NOC2L: variants seen among roughly 807,000 people sequenced by gnomAD.
The protein encoded by NOC2L is NOC2 like nucleolar associated transcriptional repressor.
NOC2L carries 101 observed loss-of-function variants against 94.2 expected under a neutral mutation model. The ratio of observed to expected loss-of-function variants is 1.07; its 90% CI spans 0.91 to 1.26. The LOEUF (loss-of-function observed/expected upper bound fraction) is 1.26. Ranked by LOEUF, NOC2L falls within the 50% of genes most tolerant of loss-of-function variation. NOC2L has a pLI of 0.00. For synonymous variants in NOC2L, 531 were observed against 413.4 expected (o/e 1.28, Z -3.45); for missense variants, 1,076 against 980.1 (o/e 1.10, Z -1.31).
intron 4 of NOC2L, 106 bp from the exon 5 acceptor site, chr1:956,321 T>G (rs1642400481): frequency 7.4e-7 from 1 of 1,356,708 alleles, no homozygotes; most frequent in African/African-American, 1.4e-5. Flanking sequence ...CCCTCAGACA[T>G]AGGGCAGAGG....
chr1:945,822 G>A (rs1642091256), intron 16 of NOC2L, among the ~76,000 whole-genome samples, 169 bp from the exon 17 acceptor site: 1 of 152,214 alleles, frequency 6.6e-6, no homozygotes. Context: ...CCATGTCCAA[G>A]GTCAAAGGCA....
At chr1:958,253 T>C (rs1642471838) in intron 2 of NOC2L, 1 of 163,604 alleles carries the variant, frequency 6.1e-6, no homozygotes, top group Non-Finnish European at 1.3e-5. Context: ...ATCTTTTGAT[T>C]TCTTTCTTTT....
At chr1:949,578 A>G (rs906407044) in intron 12 of NOC2L, among the ~76,000 whole-genome samples, 2 of 152,216 alleles carry the variant, frequency 1.3e-5, no homozygotes, top group Admixed American at 6.5e-5. Flanking sequence ...AGGGGCCTAC[A>G]GGGTGCGGCT....
chr1:945,568 A>T lies in NOC2L; in HGVS notation c.2003T>A (p.Phe668Tyr), dbSNP rs779361120. Residue 668 changes from phenylalanine (F) to tyrosine (Y), a missense_variant, in exon 17 of 19, where the codon TTT (phenylalanine) becomes TAT (tyrosine). By Grantham distance (22) the Phe-to-Tyr change is conservative. Coordinates refer to ENST00000327044, the MANE Select transcript of NOC2L (RefSeq NM_015658.4). The stretch of plus-strand genomic sequence containing the variant: ...GTCCTCTTCAGAGCTGTTCAGGTCA[A>T]AGAGGTCTTTAAATTGCTTCCTGTC... ...DEDRKQFKDL[F>Y]DLNSSEEDDT... 1.2e-6 allele frequency: 2 copies of T among 1,614,090 alleles called. No individual in the cohort carries two copies. Among genetic ancestry groups the T allele is most frequent in the Non-Finnish European group, 1.7e-6 (2 of 1,179,950 alleles).
At chr1:958,683 G>A (rs1569959814) in intron 2 of NOC2L, 2 of 686,216 alleles carry the variant, frequency 2.9e-6, no homozygotes, top group Non-Finnish European at 5.3e-6. Flanking sequence ...GAACGTGAGA[G>A]TTCTCCTAGA....
rs758798279 is a variant in NOC2L at position 944,350 on chromosome 1, C to G, written c.*344G>C. The G allele has an allele frequency of 1.9e-4, 261 of 1,366,830 alleles. No individual in the cohort carries two copies. Among genetic ancestry groups the G allele is most frequent in the Non-Finnish European group, 2.3e-4 (242 of 1,066,914 alleles). The allele number at this position is 1,366,830 out of a possible 1,614,324, so 84.7% of individuals were successfully genotyped here. On this transcript the variant is annotated 3_prime_UTR_variant, in exon 19 of 19. Coordinates refer to ENST00000327044, the MANE Select transcript of NOC2L (RefSeq NM_015658.4). ...GAAGGCAGAGCCTGGTGCAGATGGA[C>G]GAGGTCTGCAGACGGAGGGCAGAGG...
Position 957,140 on chromosome 1 carries a change from C to T in NOC2L, c.313G>A (p.Glu105Lys), listed in dbSNP as rs369245053. The T allele has an allele frequency of 1.4e-4, 225 of 1,613,974 alleles. No homozygotes were observed. The highest frequency in any genetic ancestry group is 1.8e-4 in the Non-Finnish European group (212 of 1,180,044). Reference protein sequence around the residue: ...LNFSDSDSSEEEEGPFHSLPD... With the variant: ...LNFSDSDSSEKEEGPFHSLPD... ...AGGGAGTGGAACGGCCCCTCTTCCT[C>T]CTCAGAGCTGTCCGAGTCGCTGAAG... Residue 105 changes from glutamate (E) to lysine (K), a missense_variant, in exon 3 of 19, where the codon GAG becomes AAG. By Grantham distance (56) the Glu-to-Lys change is moderately conservative. This residue lies in a region of NOC2L where 457 missense variants were observed against 386.0 expected (regional missense o/e 1.18). Coordinates refer to ENST00000327044, the MANE Select transcript of NOC2L (RefSeq NM_015658.4).
chr1:958,989 G>C lies in NOC2L; in HGVS notation c.119C>G (p.Thr40Arg), dbSNP rs768646282. Residue 40 changes from threonine (T) to arginine (R), a missense_variant, in exon 2 of 19, where the codon ACA (threonine) becomes AGA (arginine). Physicochemically the swap from Thr to Arg is moderately conservative, Grantham distance 71. This residue lies in a region of NOC2L where 457 missense variants were observed against 386.0 expected (regional missense o/e 1.18). Transcript: ENST00000327044. ...CCGGGCAGCCTCGCGTGCTTCCCGT[G>C]TCTCCGCTTGTGGAGAATTTTCGGA... ...SESENSPQAE[T>R]REAREAARSP... is the part of the protein sequence containing the mutation. The C allele has an allele frequency of 9.9e-6, 16 of 1,612,764 alleles. No individual in the cohort carries two copies. In the East Asian group the frequency reaches 3.1e-4, roughly 31 times the overall value.
intron 9 of NOC2L, 48 bp from the exon 10 acceptor site, chr1:952,648 C>T (rs1190307292): frequency 6.3e-7 from 1 of 1,581,596 alleles, no homozygotes. Flanking sequence ...GGCCATGCAC[C>T]TCCACCGCCC....
Position 952,060 on chromosome 1 carries a change from G to C in NOC2L, c.1271C>G (p.Pro424Arg). 1 of 1,613,696 alleles carries C rather than the reference G, an allele frequency of 6.2e-7. No homozygotes were observed. The highest frequency in any genetic ancestry group is 1.1e-5 in the South Asian group (1 of 91,082). ...GACCAAGGGCTGGAGGGCTTCGCTG[G>C]GGCCCGCAGTGCTCAGGACCCGGCA... is the stretch of plus-strand genomic sequence containing the variant. ...LWCRVLSTAGPSEALQPLVYP... is the reference protein window; with the variant it reads ...LWCRVLSTAGRSEALQPLVYP... The change falls in exon 11 of 19, where the codon CCC becomes CGC. Residue 424 changes from proline (P) to arginine (R), a missense_variant. Physicochemically the swap from Pro to Arg is moderately radical, Grantham distance 103. Coordinates refer to ENST00000327044, the MANE Select transcript of NOC2L (RefSeq NM_015658.4).
chr1:958,008 C>T (rs919818493), intron 2 of NOC2L: 1 of 152,400 alleles, frequency 6.6e-6, no homozygotes. Context: ...TCTGTGTGGC[C>T]TCCTTGTTCG....
intron 15 of NOC2L, 29 bp downstream of exon 15, chr1:946,373 A>T: frequency 6.2e-7 from 1 of 1,613,148 alleles, no homozygotes; most frequent in African/African-American, 1.3e-5. Context: ...AGGTGCCCTC[A>T]GGTGGCACTA....
Position 954,036 on chromosome 1 carries a change from C to A in NOC2L, c.745G>T (p.Asp249Tyr). Reference protein sequence around the residue: ...SSPLWGKLRVDIKAYLGSAIQ... With the variant: ...SSPLWGKLRVYIKAYLGSAIQ... The stretch of plus-strand genomic sequence containing the variant: ...GCCGAGCCCAGGTAAGCCTTGATGT[C>A]CACACGAAGCTTCCCCCAGAGCGGG... Residue 249 changes from aspartate (D) to tyrosine (Y), a missense_variant, in exon 7 of 19, where the codon GAC becomes TAC. By Grantham distance (160) the Asp-to-Tyr change is radical. Around this residue, in one of 3 missense-constraint regions of NOC2L, gnomAD observed 457 missense variants for 386.0 expected, o/e 1.18. Transcript: ENST00000327044. The A allele has an allele frequency of 1.9e-6, 3 of 1,608,296 alleles. No individual in the cohort carries two copies. The highest frequency in any genetic ancestry group is 2.6e-6 in the Non-Finnish European group (3 of 1,176,128).
intron 9 of NOC2L, 90 bp downstream of exon 9, chr1:953,085 G>C: frequency 2.3e-6 from 2 of 854,896 alleles, no homozygotes; most frequent in Non-Finnish European, 3.9e-6. Flanking sequence ...TCCAGTGAGG[G>C]GCACCAACCA....
rs1431614692 is a variant in NOC2L, at chr1:956,108, G to A, written c.594C>T (p.Val198=). 3 of 1,613,938 alleles carry A rather than the reference G, an allele frequency of 1.9e-6. No individual in the cohort carries two copies. The highest frequency in any genetic ancestry group is 2.5e-6 in the Non-Finnish European group (3 of 1,180,038). The stretch of plus-strand genomic sequence containing the variant: ...CCCCAAGCTCACCAGCACTGTCCGT[G>A]ACCTGGAATTTGTTGGCCTCAGCAC... The part of the protein sequence containing the change: ...QESAEANKFQ[V]TDSAAFNALV... Residue 198 remains valine (V), a synonymous_variant, in exon 5 of 19, where the codon GTC becomes GTT. Coordinates refer to ENST00000327044, the MANE Select transcript of NOC2L (RefSeq NM_015658.4).
At position 951,988 on chromosome 1, in the gene NOC2L, C is replaced by G. The variant is rs746243298; in HGVS notation, c.1331+12G>C. On this transcript the variant is annotated intron_variant, in intron 11 of 18. Coordinates refer to ENST00000327044, the MANE Select transcript of NOC2L (RefSeq NM_015658.4). ...GACCCTCCCGCACAACCCTGCCCAC[C>G]CCACAACTCACTTGATACAGCCAAT... is the stretch of plus-strand genomic sequence containing the variant. The G allele has an allele frequency of 4.3e-5, 69 of 1,609,608 alleles. No homozygotes were observed. Among genetic ancestry groups the G allele is most frequent in the Non-Finnish European group, 5.8e-5 (68 of 1,178,024 alleles).
At chr1:945,336 CCTTCA>C (rs1177425643) in intron 17 of NOC2L, 177 bp downstream of exon 17, 6 of 953,826 alleles carry the variant, frequency 6.3e-6, no homozygotes, top group Non-Finnish European at 9.2e-6. Context: ...TCCCAGTAGG[CCTTCA>C]CTTCAAGGAG....
rs1642016816 is a variant in NOC2L at position 944,308 on chromosome 1, CAA to C, written c.*384_*385del. On this transcript the variant is annotated 3_prime_UTR_variant, in exon 19 of 19. Transcript: ENST00000327044. ...ACTTCAAAGGAAAGGAACAAATTTT[CAA>C]AGACTTGGGGGAGTGAAGGCAGAGC... 1 of 1,392,634 alleles carries C rather than the reference CAA, an allele frequency of 7.2e-7. No individual in the cohort carries two copies. The highest frequency in any genetic ancestry group is 1.5e-5 in the African/African-American group (1 of 68,236). The allele number at this position is 1,392,634 out of a possible 1,614,324, so 86.3% of individuals were successfully genotyped here.
chr1:946,369 C>T (rs368910945), intron 15 of NOC2L, 33 bp downstream of exon 15: 1 of 1,613,250 alleles, frequency 6.2e-7, no homozygotes, highest in Non-Finnish European at 8.5e-7. Context: ...TGGCAGGTGC[C>T]CTCAGGTGGC....
Sources: gnomAD v4.1 joint callset for allele counts (sites outside exome capture counted in the v4.1 genomes callset) on GRCh38, gnomAD v4.1.1 for gene constraint, gnomAD v4.1.1 regional missense constraint, MANE v1.5 for transcripts, NCBI Gene and HGNC (gene_info 2026-07-23, HGNC 2026-07-21) for gene names.